The following MBD3 variants were observed in gnomAD, a reference collection of about 807,000 sequenced individuals.
MBD3 encodes methyl-CpG binding domain protein 3.
MBD3 carries 13 observed loss-of-function variants against 31.2 expected under a neutral mutation model. That is an observed-to-expected ratio of 0.42 (90% CI 0.27 to 0.66). The LOEUF (loss-of-function observed/expected upper bound fraction) is 0.66, where lower values mean the gene tolerates loss of function less well. MBD3 is among the 30% of genes least tolerant of loss of function. The pLI, the probability that MBD3 is intolerant of heterozygous loss-of-function variation, is 0.26. For missense variants in MBD3, 440 were observed against 426.5 expected (o/e 1.03, Z -0.28); for synonymous variants, 223 against 187.4 (o/e 1.19, Z -1.55).
rs546564704 is a variant in MBD3, at chr19:1,584,689, A to G, written c.271-12T>C. Reference sequence around the variant, plus strand: ...AGGTCGGGCTTGCCCTGCGGGAGGAAGGATATGCAGTCCGGCCTGGGGGCG... The same window carrying G: ...AGGTCGGGCTTGCCCTGCGGGAGGAGGGATATGCAGTCCGGCCTGGGGGCG... On this transcript the variant is annotated splice_polypyrimidine_tract_variant and intron_variant, in intron 2 of 6. Transcript: ENST00000434436. 1.9e-6 allele frequency: 3 copies of G among 1,609,032 alleles called. No homozygotes were observed. Among genetic ancestry groups the G allele is most frequent in the African/African-American group, 2.7e-5 (2 of 75,016 alleles).
rs1436253478 is a variant in MBD3 at position 1,574,844 on chromosome 19, G to A, written c.*3320C>T. ...AGGGGCATCCCCGGGGATCTTTGCGGTGGCGAGTGTGTGCGGTGGTCAGAA... is the reference window on the plus strand; with the variant it reads ...AGGGGCATCCCCGGGGATCTTTGCGATGGCGAGTGTGTGCGGTGGTCAGAA... On this transcript the variant is annotated 3_prime_UTR_variant, in exon 7 of 7. Transcript: ENST00000434436. 1.5e-5 allele frequency: 3 copies of A among 198,202 alleles called. No homozygotes were observed. Among genetic ancestry groups the A allele is most frequent in the Non-Finnish European group, 3.2e-5 (3 of 92,572 alleles). The allele number at this position is 198,202 out of a possible 1,614,324, so 12.3% of individuals were successfully genotyped here. A position where few individuals can be genotyped will look rare whatever the true frequency, so the allele number is the denominator to read the frequency against.
At chr19:1,588,799 AAAG>A (rs1251129140) in intron 1 of MBD3, among the ~76,000 whole-genome samples, 16 of 151,258 alleles carry the variant, frequency 1.1e-4, no homozygotes, top group Admixed American at 5.3e-4. Context: ...AAAAAAAAAA[AAAG>A]GTGTAAGGCG....
Position 1,585,150 on chromosome 19 carries a change from G to T in MBD3, c.175C>A (p.Leu59Met). Reference protein sequence around the residue: ...LARYLGGSMDLSTFDFRTGKM... With the variant: ...LARYLGGSMDMSTFDFRTGKM... ...CCCGTGCGGAAGTCGAAGGTGCTCA[G>T]GTCCATGGAGCCGCCCAGGTAGCGC... The change falls in exon 2 of 7, where the codon CTG becomes ATG. Residue 59 changes from leucine to methionine, a missense_variant. By Grantham distance (15) the Leu-to-Met change is conservative (BLOSUM62 2). Coordinates refer to ENST00000434436, the MANE Select transcript of MBD3 (RefSeq NM_001281453.2). The surrounding 1 kb of genome is among the most constrained non-coding windows in gnomAD (Gnocchi z 4.1). The T allele has an allele frequency of 6.2e-7, 1 of 1,610,808 alleles. No homozygotes were observed.
In MBD3 at chr19:1,585,026, G is replaced by A. The variant is rs538387383; in HGVS notation, c.270+29C>T. The A allele has an allele frequency of 1.3e-5, 21 of 1,608,002 alleles. No individual in the cohort carries two copies. In the South Asian group the frequency reaches 2.3e-4, roughly 18 times the overall value. ...GTCCCCGCCTAGAACGCCCCGCGCC[G>A]ACGTCACCTGCGTGACGCCACCACT... On this transcript the variant is annotated intron_variant, in intron 2 of 6. Coordinates refer to ENST00000434436, the MANE Select transcript of MBD3 (RefSeq NM_001281453.2). This position sits in a 1 kb window ranked among gnomAD's most constrained non-coding sequence, Gnocchi z 4.1.
chr19:1,590,692 A>G (rs2060699583), intron 1 of MBD3, among the ~76,000 whole-genome samples: 1 of 152,230 alleles, frequency 6.6e-6, no homozygotes, highest in Non-Finnish European at 1.5e-5. Context: ...ATCTATTGAC[A>G]CAAAATGATG....
intron 1 of MBD3, 144 bp downstream of exon 1, chr19:1,592,378 C>T (rs1464313680): frequency 1.0e-5 from 2 of 196,118 alleles, no homozygotes; most frequent in Non-Finnish European, 2.0e-5. Context: ...GCGCGCCGGG[C>T]GCACACGCAC....
At position 1,578,941 on chromosome 19, in the gene MBD3, T is replaced by C. The variant is rs1437213626; in HGVS notation, c.678-403A>G. On this transcript the variant is annotated intron_variant, in intron 5 of 6. Transcript: ENST00000434436. The surrounding 1 kb of genome is among the most constrained non-coding windows in gnomAD (Gnocchi z 6.1). ...GCTCATGCCTGTAATCCCAGCACTT[T>C]GGGAGGCCGAGGTGGGCAGATCACT... Among the ~76,000 whole-genome samples the C allele has an allele frequency of 2.0e-5, 3 of 151,958 alleles. No homozygotes were observed. The highest frequency in any genetic ancestry group is 4.1e-4 in the South Asian group (2 of 4,820).
chr19:1,578,363 C>G lies in MBD3; in HGVS notation c.853G>C (p.Asp285His). The G allele has an allele frequency of 6.2e-7, 1 of 1,603,904 alleles. No individual in the cohort carries two copies. Among genetic ancestry groups the G allele is most frequent in the South Asian group, 1.1e-5 (1 of 91,062 alleles). ...EEEEEEEPDP[D>H]PEMEHV ...CCCTAGACGTGCTCCATCTCCGGGT[C>G]CGGGTCGGGCTCCTCCTCCTCCTCC... The change falls in exon 6 of 7, where the codon GAC (aspartate) becomes CAC (histidine). Residue 285 changes from aspartate (D) to histidine (H), a missense_variant. Physicochemically the swap from Asp to His is moderately conservative, Grantham distance 81. This residue lies in a region of MBD3 where 117 missense variants were observed against 95.0 expected (regional missense o/e 1.23). Transcript: ENST00000434436. This position sits in a 1 kb window ranked among gnomAD's most constrained non-coding sequence, Gnocchi z 6.1.
intron 1 of MBD3, among the ~76,000 whole-genome samples, chr19:1,587,592 T>G (rs901533629): frequency 6.6e-6 from 1 of 152,088 alleles, no homozygotes; most frequent in African/African-American, 2.4e-5. Flanking sequence ...TTTTTAAATT[T>G]TTTGCATAGA....
Position 1,592,596 on chromosome 19 carries a change from CG to C in MBD3, c.35del (p.Pro12ArgfsTer48). The stretch of plus-strand genomic sequence containing the variant: ...GCACTTCTTCCCTCTCCCAGCCCTG[CG>C]GGAGCGCCGGGCACTCCCACCTCTT... ...ERKRWECPAL[P>X]QGWEREEVPR... On this transcript the variant is annotated frameshift_variant, in exon 1 of 7. Transcript: ENST00000434436. LOFTEE classifies it high-confidence loss of function. 7.1e-7 allele frequency: 1 copy of C among 1,408,268 alleles called. No homozygotes were observed. Among genetic ancestry groups the C allele is most frequent in the Non-Finnish European group, 9.5e-7 (1 of 1,056,178 alleles). The allele number at this position is 1,408,268 out of a possible 1,614,324, so 87.2% of individuals were successfully genotyped here.
chr19:1,590,442 C>T (rs1180429147), intron 1 of MBD3, among the ~76,000 whole-genome samples: 1 of 152,018 alleles, frequency 6.6e-6, no homozygotes, highest in Non-Finnish European at 1.5e-5. Flanking sequence ...GTCTAGGCAA[C>T]ACAGCAAAAC....
In MBD3 at chr19:1,575,342, G is replaced by A; in HGVS notation, c.*2822C>T. 2.3e-6 allele frequency: 1 copy of A among 436,992 alleles called. No homozygotes were observed. Among genetic ancestry groups the A allele is most frequent in the Non-Finnish European group, 4.7e-6 (1 of 212,070 alleles). The allele number at this position is 436,992 out of a possible 1,614,324, so 27.1% of individuals were successfully genotyped here. A position where few individuals can be genotyped will look rare whatever the true frequency, so the allele number is the denominator to read the frequency against. ...TTGAACCCAGAAGGTGGAGGTTGCA[G>A]TGAGCCCAGATCACGCCACTGCACT... On this transcript the variant is annotated 3_prime_UTR_variant, in exon 7 of 7. Coordinates refer to ENST00000434436, the MANE Select transcript of MBD3 (RefSeq NM_001281453.2).
intron 4 of MBD3, among the ~76,000 whole-genome samples, chr19:1,582,032 G>T (rs575841509): frequency 6.6e-6 from 1 of 152,158 alleles, no homozygotes; most frequent in Non-Finnish European, 1.5e-5. Context: ...CTCCCAGAGT[G>T]TTGGGATTAC....
chr19:1,578,001 C>T lies in MBD3; in HGVS notation c.*163G>A. 2.2e-6 allele frequency: 1 copy of T among 447,312 alleles called. No homozygotes were observed. The highest frequency in any genetic ancestry group is 4.1e-6 in the Non-Finnish European group (1 of 242,174). 27.7% of individuals were successfully genotyped at this position (447,312 alleles called of 1,614,324 possible). On this transcript the variant is annotated 3_prime_UTR_variant, in exon 7 of 7. Transcript: ENST00000434436. This position sits in a 1 kb window ranked among gnomAD's most constrained non-coding sequence, Gnocchi z 6.1. ...CAGCCCCAGCTGTGTGCCCCGAGGC[C>T]CCGGGAAGTGGGGACGGGCCGAGGA...
chr19:1,592,474 G>A (rs1428947263), intron 1 of MBD3, 48 bp downstream of exon 1: 2 of 1,088,232 alleles, frequency 1.8e-6, no homozygotes, highest in Non-Finnish European at 2.5e-6. Flanking sequence ...CGCAGAGGCC[G>A]CTGGGAGGAG....
In MBD3 at chr19:1,575,476, T is replaced by G; in HGVS notation, c.*2688A>C. 3.3e-6 allele frequency: 1 copy of G among 300,050 alleles called. No individual in the cohort carries two copies. The highest frequency in any genetic ancestry group is 6.7e-6 in the Non-Finnish European group (1 of 150,118). 18.6% of individuals were successfully genotyped at this position (300,050 alleles called of 1,614,324 possible). A position where few individuals can be genotyped will look rare whatever the true frequency, so the allele number is the denominator to read the frequency against. On this transcript the variant is annotated 3_prime_UTR_variant, in exon 7 of 7. Coordinates refer to ENST00000434436, the MANE Select transcript of MBD3 (RefSeq NM_001281453.2). Reference sequence around the variant, plus strand: ...ATGGGCGGGGCTGGGGGCAGCCAAGTGGCCTTTGAGGATGGGGCCAGGCAC... The same window carrying G: ...ATGGGCGGGGCTGGGGGCAGCCAAGGGGCCTTTGAGGATGGGGCCAGGCAC...
Position 1,585,301 on chromosome 19 carries a change from C to A in MBD3, c.111-87G>T. 4.8e-6 allele frequency: 7 copies of A among 1,457,198 alleles called. No homozygotes were observed. The highest frequency in any genetic ancestry group is 2.0e-5 in the Admixed American group (1 of 49,344). The allele number at this position is 1,457,198 out of a possible 1,614,324, so 90.3% of individuals were successfully genotyped here. A position where few individuals can be genotyped will look rare whatever the true frequency, so the allele number is the denominator to read the frequency against. On this transcript the variant is annotated intron_variant, in intron 1 of 6. Transcript: ENST00000434436. This position sits in a 1 kb window ranked among gnomAD's most constrained non-coding sequence, Gnocchi z 4.1. ...GCCGCAGACCCAAACCCAGTCCCAG[C>A]CCCAGCTTCAGGTCGCGACCCCAGC...
rs9585 is a variant in MBD3, at chr19:1,577,118, C to T, written c.*1046G>A. The T allele has an allele frequency of 0.56, 86,041 of 152,486 alleles. 27,258 individuals carry two copies. Among genetic ancestry groups the T allele is most frequent in the East Asian group, 0.88 (4,545 of 5,172 alleles). The allele number at this position is 152,486 out of a possible 1,614,324, so 9.4% of individuals were successfully genotyped here. ...CCTAAGGTCAATGCAGGTGGGGGCT[C>T]GCTGGGCCCAGGCCAATGAACCCAC... On this transcript the variant is annotated 3_prime_UTR_variant, in exon 7 of 7. Coordinates refer to ENST00000434436, the MANE Select transcript of MBD3 (RefSeq NM_001281453.2).
chr19:1,578,628 G>A lies in MBD3; in HGVS notation c.678-90C>T. 1 of 1,598,960 alleles carries A rather than the reference G, an allele frequency of 6.3e-7. No homozygotes were observed. The highest frequency in any genetic ancestry group is 2.2e-5 in the East Asian group (1 of 44,856). On this transcript the variant is annotated intron_variant, in intron 5 of 6. Coordinates refer to ENST00000434436, the MANE Select transcript of MBD3 (RefSeq NM_001281453.2). This position sits in a 1 kb window ranked among gnomAD's most constrained non-coding sequence, Gnocchi z 6.1. Reference sequence around the variant, plus strand: ...AACGTGGGGACCTCAGCTGGGAGGGGAGGCCCGAGGGATCCACAGGCACCC... The same window carrying A: ...AACGTGGGGACCTCAGCTGGGAGGGAAGGCCCGAGGGATCCACAGGCACCC...
Sources: gnomAD v4.1 joint callset for allele counts (sites outside exome capture counted in the v4.1 genomes callset) on GRCh38, gnomAD v4.1.1 for gene constraint, gnomAD v4.1.1 regional missense constraint, Gnocchi (gnomAD v3.1) non-coding constraint, MANE v1.5 for transcripts, NCBI Gene and HGNC (gene_info 2026-07-23, HGNC 2026-07-21) for gene names.